The following CTNNA3 variants were observed in gnomAD, a reference collection of about 807,000 sequenced individuals.
CTNNA3 encodes catenin alpha 3.
Under a neutral mutation model 95.7 loss-of-function variants are expected in CTNNA3, and 76 were observed. That is an observed-to-expected ratio of 0.79 (90% CI 0.66 to 0.96). The LOEUF is 0.96. Among genes scored for constraint, CTNNA3 ranks in the 40% least tolerant of loss-of-function variants. The pLI, the probability that CTNNA3 is intolerant of heterozygous loss-of-function variation, is 0.00. For missense variants in CTNNA3, 1,191 were observed against 1,089.8 expected (o/e 1.09, Z -1.31); for synonymous variants, 431 against 374.4 (o/e 1.15, Z -1.74).
chr10:67,655,168 A>G (rs559200514), intron 1 of CTNNA3, among the ~76,000 whole-genome samples: 190 of 152,300 alleles, frequency 1.2e-3, no homozygotes, highest in African/African-American at 4.4e-3. Flanking sequence ...GCACATTCAT[A>G]TATGTTTGAT....
At chr10:66,559,537 A>AC (rs1252747533) in intron 10 of CTNNA3, among the ~76,000 whole-genome samples, 1 of 151,202 alleles carries the variant, frequency 6.6e-6, no homozygotes, top group Non-Finnish European at 1.5e-5. Flanking sequence ...ACACAGGAAC[A>AC]CCCCCCACAC....
intron 11 of CTNNA3, 101 bp from the exon 12 acceptor site, chr10:66,379,453 G>C (rs1035750089): frequency 4.7e-5 from 45 of 958,414 alleles, no homozygotes; most frequent in Non-Finnish European, 6.8e-5. Flanking sequence ...TTCAGATAGA[G>C]TGCACATTGG....
At chr10:66,370,513 T>C (rs756196496) in intron 12 of CTNNA3, among the ~76,000 whole-genome samples, 9 of 152,136 alleles carry the variant, frequency 5.9e-5, no homozygotes, top group East Asian at 3.9e-4. Flanking sequence ...TAGACAGCTA[T>C]CTAGAACAGA....
At chr10:66,766,463 T>C in intron 8 of CTNNA3, 47 bp from the exon 9 acceptor site, 1 of 1,517,202 alleles carries the variant, frequency 6.6e-7, no homozygotes, top group South Asian at 1.2e-5. Context: ...AGGAAATAGT[T>C]CACTGTGTTT....
intron 7 of CTNNA3, among the ~76,000 whole-genome samples, chr10:67,074,423 T>C (rs981345930): frequency 7.3e-6 from 1 of 137,060 alleles, no homozygotes; most frequent in African/African-American, 2.8e-5. Flanking sequence ...CGATCTCGGC[T>C]CACTGCAAGC....
chr10:66,900,849 A>ACAAAGTCTC (rs1052140497), intron 7 of CTNNA3, among the ~76,000 whole-genome samples: 4 of 152,192 alleles, frequency 2.6e-5, no homozygotes, highest in African/African-American at 9.7e-5. Context: ...AAAGAAATGA[A>ACAAAGTCTC]CAAAGTCTCC....
intron 10 of CTNNA3, among the ~76,000 whole-genome samples, chr10:66,571,077 A>G (rs1020602214): frequency 2.0e-5 from 3 of 152,212 alleles, no homozygotes; most frequent in African/African-American, 7.2e-5. Context: ...CAAGGTAACT[A>G]ACAATTTTAA....
At chr10:66,755,834 G>A (rs1205919633) in intron 9 of CTNNA3, among the ~76,000 whole-genome samples, 2 of 151,972 alleles carry the variant, frequency 1.3e-5, no homozygotes, top group Non-Finnish European at 2.9e-5. Flanking sequence ...TAGTTTAGAA[G>A]CCCACTTCTC....
At chr10:66,267,607 T>C (rs2091187101) in intron 13 of CTNNA3, among the ~76,000 whole-genome samples, 1 of 152,122 alleles carries the variant, frequency 6.6e-6, no homozygotes, top group Non-Finnish European at 1.5e-5. Context: ...CCTAGCACAG[T>C]GATTAAAAGA....
chr10:66,391,087 T>C (rs1014720697), intron 11 of CTNNA3, among the ~76,000 whole-genome samples: 6 of 152,156 alleles, frequency 3.9e-5, no homozygotes, highest in Non-Finnish European at 8.8e-5. Context: ...CACTTGGTAA[T>C]TTTACAAAAG....
rs376571871 is a variant in CTNNA3, at chr10:66,380,776, G to A, written c.1532-1424C>T. Among the ~76,000 whole-genome samples the A allele has an allele frequency of 8.6e-5, 13 of 151,822 alleles. No individual in the cohort carries two copies. The East Asian group carries it at 2.5e-3, about 29-fold the overall frequency. ...TCTTACTGTTATAATTGTTTTCTGT[G>A]TGTGTTTTAAAGAAATAGTCATTAA... On this transcript the variant is annotated intron_variant, in intron 11 of 17. Coordinates refer to ENST00000433211, the MANE Select transcript of CTNNA3 (RefSeq NM_013266.4).
chr10:67,381,841 CA>C (rs1183932508), intron 5 of CTNNA3, among the ~76,000 whole-genome samples: 1 of 152,194 alleles, frequency 6.6e-6, no homozygotes, highest in Non-Finnish European at 1.5e-5. Flanking sequence ...CCCTGTCTAT[CA>C]ATCATTGCCC....
intron 9 of CTNNA3, among the ~76,000 whole-genome samples, chr10:66,712,090 CA>C (rs1848313675): frequency 6.6e-6 from 1 of 152,042 alleles, no homozygotes; most frequent in South Asian, 2.1e-4. Flanking sequence ...AGAGCTGAAA[CA>C]GAGCCAATGG....
chr10:66,612,467 A>G (rs1844360629), intron 10 of CTNNA3, among the ~76,000 whole-genome samples: 2 of 152,080 alleles, frequency 1.3e-5, no homozygotes, highest in African/African-American at 4.8e-5. Flanking sequence ...TCCACAGACT[A>G]TGCCCTCCCA....
At chr10:66,325,451 C>A (rs2092242833) in intron 12 of CTNNA3, among the ~76,000 whole-genome samples, 1 of 151,958 alleles carries the variant, frequency 6.6e-6, no homozygotes, top group South Asian at 2.1e-4. Flanking sequence ...CCCTATGTTG[C>A]CCAAGGTGGT....
Position 66,069,695 on chromosome 10 carries a change from T to C in CTNNA3, c.1978-206A>G, listed in dbSNP as rs564599006. ...ATAATAGTTTGCTCTAGAACTATAATGTTACATTTAGAATAACACTGTAGA... is the reference window on the plus strand; with the variant it reads ...ATAATAGTTTGCTCTAGAACTATAACGTTACATTTAGAATAACACTGTAGA... On this transcript the variant is annotated intron_variant, in intron 14 of 17. Transcript: ENST00000433211. Among the ~76,000 whole-genome samples the C allele has an allele frequency of 7.9e-5, 12 of 152,324 alleles. No homozygotes were observed. In the East Asian group the frequency reaches 1.9e-3, roughly 24 times the overall value.
chr10:67,037,660 A>C (rs561107699), intron 7 of CTNNA3, among the ~76,000 whole-genome samples: 1 of 152,182 alleles, frequency 6.6e-6, no homozygotes, highest in Non-Finnish European at 1.5e-5. Context: ...TGAGGAACTA[A>C]GTAGAAAGTT....
chr10:67,392,928 G>A (rs564897180), intron 5 of CTNNA3, among the ~76,000 whole-genome samples: 2 of 152,122 alleles, frequency 1.3e-5, no homozygotes. Flanking sequence ...AAGCAGGAGG[G>A]ATAGCATTGG....
At chr10:66,488,757 A>T (rs1445893749) in intron 11 of CTNNA3, among the ~76,000 whole-genome samples, 1 of 152,184 alleles carries the variant, frequency 6.6e-6, no homozygotes, top group African/African-American at 2.4e-5. Context: ...AAGAGGTCAT[A>T]TGAAACATCA....
Sources: gnomAD v4.1 joint callset for allele counts (sites outside exome capture counted in the v4.1 genomes callset) on GRCh38, gnomAD v4.1.1 for gene constraint, MANE v1.5 for transcripts, NCBI Gene and HGNC (gene_info 2026-07-23, HGNC 2026-07-21) for gene names.